The following SCN1A variants were observed in gnomAD, a reference collection of about 807,000 sequenced individuals.
The protein encoded by SCN1A is sodium channel protein type 1 subunit alpha.
Under a neutral mutation model 193.7 loss-of-function variants are expected in SCN1A, and 13 were observed. The ratio of observed to expected loss-of-function variants is 0.07; its 90% CI spans 0.04 to 0.11. The LOEUF is 0.11. Among genes scored for constraint, SCN1A ranks in the 10% least tolerant of loss-of-function variants. The pLI is 1.00. For synonymous variants in SCN1A, 781 were observed against 843.6 expected (o/e 0.93, Z 1.29); for missense variants, 1,432 against 2,451.1 (o/e 0.58, Z 8.78).
In SCN1A at chr2:166,015,665, T is replaced by C; in HGVS notation, c.3492A>G (p.Glu1164=). The change falls in exon 20 of 29, where the codon GAA becomes GAG. Residue 1164 remains glutamate (E), a synonymous_variant. Transcript: ENST00000674923. ...GSTVDIGAPV[E]EQPVVEPEET... ...CTTCAGGTTCCACTACGGGCTGTTC[T>C]TCTACAGGTGCGCCGATGTCCACAG... 1 of 1,613,034 alleles carries C rather than the reference T, an allele frequency of 6.2e-7. No individual in the cohort carries two copies. The highest frequency in any genetic ancestry group is 1.1e-5 in the South Asian group (1 of 91,072).
intron 15 of SCN1A, 128 bp from the exon 16 acceptor site, chr2:166,041,597 A>G (rs1182537843): frequency 2.8e-6 from 2 of 703,914 alleles, no homozygotes; most frequent in African/African-American, 1.8e-5. Context: ...CCTTTTTTGT[A>G]CTTGTTAAAA....
At chr2:166,106,891 A>G (rs969434430) in intron 2 of SCN1A, among the ~76,000 whole-genome samples, 1 of 152,186 alleles carries the variant, frequency 6.6e-6, no homozygotes, top group Non-Finnish European at 1.5e-5. Flanking sequence ...CGGTCTAAGA[A>G]AAATGCTTTA....
At chr2:166,001,544 C>T (rs1235640671) in intron 24 of SCN1A, among the ~76,000 whole-genome samples, 2 of 151,486 alleles carry the variant, frequency 1.3e-5, no homozygotes, top group African/African-American at 4.8e-5. Context: ...CCTAAAGACA[C>T]TGTAGAACCA....
intron 2 of SCN1A, among the ~76,000 whole-genome samples, chr2:166,087,717 A>G (rs1686298034): frequency 6.6e-6 from 1 of 152,222 alleles, no homozygotes; most frequent in South Asian, 2.1e-4. Flanking sequence ...AAATGGACTA[A>G]GAAACATGGT....
intron 2 of SCN1A, among the ~76,000 whole-genome samples, chr2:166,082,609 A>G (rs917570083): frequency 5.3e-5 from 8 of 152,062 alleles, no homozygotes; most frequent in African/African-American, 1.7e-4. Flanking sequence ...TTAGAATCAT[A>G]TGATGCAGGT....
At chr2:166,039,274 C>A in intron 17 of SCN1A, 149 bp downstream of exon 17, 1 of 744,270 alleles carries the variant, frequency 1.3e-6, no homozygotes. Context: ...AATTTTTTTC[C>A]ATGTAGGAAA....
intron 17 of SCN1A, among the ~76,000 whole-genome samples, chr2:166,038,639 C>G (rs1301983549): frequency 6.6e-6 from 1 of 152,078 alleles, no homozygotes; most frequent in Non-Finnish European, 1.5e-5. Context: ...AGCCAGGCCT[C>G]TTATAGTGAA....
At chr2:166,123,817 C>T (rs1358005909) in intron 2 of SCN1A, among the ~76,000 whole-genome samples, 2 of 152,052 alleles carry the variant, frequency 1.3e-5, no homozygotes, top group Non-Finnish European at 2.9e-5. Flanking sequence ...GCCCTAAGCC[C>T]AATCTCTGAG....
chr2:166,118,050 GT>G (rs903591646), intron 2 of SCN1A, among the ~76,000 whole-genome samples: 4 of 150,656 alleles, frequency 2.7e-5, no homozygotes, highest in East Asian at 3.9e-4. Context: ...ACTGTGAAAA[GT>G]TTTTTTTATA....
At chr2:166,057,079 T>C (rs963004221) in intron 5 of SCN1A, among the ~76,000 whole-genome samples, 6 of 152,086 alleles carry the variant, frequency 3.9e-5, no homozygotes, top group Non-Finnish European at 7.4e-5. Flanking sequence ...GTGAATATTC[T>C]TGAAGGTTGA....
intron 1 of SCN1A, among the ~76,000 whole-genome samples, chr2:166,135,492 G>T (rs1402327303): frequency 1.3e-5 from 2 of 152,162 alleles, no homozygotes. Flanking sequence ...AAGTATACAA[G>T]TGTCGCTAGA....
At position 165,991,411 on chromosome 2, in the gene SCN1A, A is replaced by G. The variant is rs35735053; in HGVS notation, c.5864T>C (p.Ile1955Thr). ...TCTGTCAATTATCATGTCTTCTTTTATAAGAAGATTAGCCCCACCTTTGAT... is the reference window on the plus strand; with the variant it reads ...TCTGTCAATTATCATGTCTTCTTTTGTAAGAAGATTAGCCCCACCTTTGAT... ...NKIKGGANLL[I>T]KEDMIIDRIN... Residue 1955 changes from isoleucine to threonine, a missense_variant, in exon 29 of 29, where the codon ATA becomes ACA. Physicochemically the swap from Ile to Thr is moderately conservative, Grantham distance 89 (BLOSUM62 -1). This residue lies in a region of SCN1A where 148 missense variants were observed against 160.3 expected (regional missense o/e 0.92). Transcript: ENST00000674923. 2,422 of 1,613,784 alleles carry G rather than the reference A, an allele frequency of 1.5e-3. 36 individuals are homozygous for G. In the African/African-American group the frequency reaches 0.029, roughly 20 times the overall value.
chr2:166,049,324 T>C (rs1010151718), intron 9 of SCN1A, among the ~76,000 whole-genome samples: 8 of 152,060 alleles, frequency 5.3e-5, no homozygotes, highest in Non-Finnish European at 1.0e-4. Context: ...ATTCATTCAG[T>C]AAAAATAGAC....
At chr2:166,042,743 G>T (rs146059945) in intron 14 of SCN1A, among the ~76,000 whole-genome samples, 2 of 152,156 alleles carry the variant, frequency 1.3e-5, no homozygotes, top group African/African-American at 4.8e-5. Flanking sequence ...TGAACTAATA[G>T]TAAAAGCCTA....
intron 4 of SCN1A, among the ~76,000 whole-genome samples, chr2:166,068,929 GTAA>G (rs1232473141): frequency 6.6e-6 from 1 of 152,074 alleles, no homozygotes; most frequent in Non-Finnish European, 1.5e-5. Flanking sequence ...TTCTTCCATG[GTAA>G]TAATGATTCG....
chr2:166,043,624 G>A lies in SCN1A; in HGVS notation c.2043+45C>T, dbSNP rs776071644. ...TTCTGTAGAAACACTGGCTGGTGCAGCAATAGTGAGCCAGCCATGCCTGAA... is the reference window on the plus strand; with the variant it reads ...TTCTGTAGAAACACTGGCTGGTGCAACAATAGTGAGCCAGCCATGCCTGAA... On this transcript the variant is annotated intron_variant, in intron 14 of 28. Coordinates refer to ENST00000674923, the MANE Select transcript of SCN1A (RefSeq NM_001165963.4). 11 of 1,559,394 alleles carry A rather than the reference G, an allele frequency of 7.1e-6. No homozygotes were observed. In the African/African-American group the frequency reaches 9.5e-5, roughly 13 times the overall value.
chr2:166,057,989 A>G (rs1699294990), intron 5 of SCN1A, among the ~76,000 whole-genome samples: 1 of 152,060 alleles, frequency 6.6e-6, no homozygotes, highest in African/African-American at 2.4e-5. Flanking sequence ...TTTGCATGGC[A>G]GCATCATAAC....
chr2:165,993,957 A>G (rs925767210), intron 28 of SCN1A, 189 bp downstream of exon 28: 8 of 605,774 alleles, frequency 1.3e-5, no homozygotes, highest in African/African-American at 7.4e-5. Flanking sequence ...TTCTAAATGG[A>G]TAGAATAAGA....
intron 2 of SCN1A, among the ~76,000 whole-genome samples, chr2:166,105,105 T>C (rs890547276): frequency 4.6e-5 from 7 of 152,254 alleles, no homozygotes; most frequent in African/African-American, 1.7e-4. Flanking sequence ...CTTAATTTAA[T>C]GTTTTATACA....
Sources: gnomAD v4.1 joint callset for allele counts (sites outside exome capture counted in the v4.1 genomes callset) on GRCh38, gnomAD v4.1.1 for gene constraint, gnomAD v4.1.1 regional missense constraint, MANE v1.5 for transcripts, NCBI Gene and HGNC (gene_info 2026-07-23, HGNC 2026-07-21) for gene names.